Variants in HS3ST2 observed in about 807,000 individuals in gnomAD.
HS3ST2 encodes the protein heparan sulfate glucosamine 3-O-sulfotransferase 2.
Under a neutral mutation model 26.3 loss-of-function variants are expected in HS3ST2, and 17 were observed. The observed-to-expected ratio is 0.65, with a 90% CI of 0.44 to 0.97. HS3ST2 has a LOEUF of 0.97. Among genes scored for constraint, HS3ST2 ranks in the 50% least tolerant of loss-of-function variants. HS3ST2 has a pLI of 0.00. For synonymous variants in HS3ST2, 237 were observed against 219.2 expected (o/e 1.08, Z -0.72); for missense variants, 402 against 501.2 (o/e 0.80, Z 1.89).
chr16:22,835,858 T>C (rs1901246671), intron 1 of HS3ST2, among the ~76,000 whole-genome samples: 1 of 151,970 alleles, frequency 6.6e-6, no homozygotes, highest in Non-Finnish European at 1.5e-5. Flanking sequence ...CTTTATTAAA[T>C]GAAGAAAATG....
At chr16:22,824,216 C>A (rs1397154907) in intron 1 of HS3ST2, among the ~76,000 whole-genome samples, 1 of 152,178 alleles carries the variant, frequency 6.6e-6, no homozygotes, top group African/African-American at 2.4e-5. Flanking sequence ...ATGCAAAATA[C>A]CTTTTCTTCC....
intron 1 of HS3ST2, among the ~76,000 whole-genome samples, chr16:22,877,119 G>T (rs1005157330): frequency 2.0e-5 from 3 of 152,128 alleles, no homozygotes; most frequent in Non-Finnish European, 4.4e-5. Context: ...TTCCCCAAAA[G>T]CTTATTGAAA....
chr16:22,816,313 C>T (rs1350092916), intron 1 of HS3ST2, among the ~76,000 whole-genome samples: 2 of 152,172 alleles, frequency 1.3e-5, no homozygotes, highest in Non-Finnish European at 2.9e-5. Context: ...TTATCTACAG[C>T]TTTAGGCAGT....
chr16:22,823,597 A>G (rs1317805535), intron 1 of HS3ST2, among the ~76,000 whole-genome samples: 1 of 145,308 alleles, frequency 6.9e-6, no homozygotes, highest in Non-Finnish European at 1.5e-5. Context: ...CAGCCTGGGC[A>G]ACATAGGGAG....
rs760020147 is a variant in HS3ST2 at position 22,814,314 on chromosome 16, G to A, written c.-297G>A. Reference sequence around the variant, plus strand: ...CGGGCGCTGGGCGCGCTCCGAACCCGGCGCACGTAAGAGCCTGGGAGCGCC... The same window carrying A: ...CGGGCGCTGGGCGCGCTCCGAACCCAGCGCACGTAAGAGCCTGGGAGCGCC... On this transcript the variant is annotated 5_prime_UTR_variant, in exon 1 of 2. Coordinates refer to ENST00000261374, the MANE Select transcript of HS3ST2 (RefSeq NM_006043.2). 1.2e-3 allele frequency: 383 copies of A among 316,314 alleles called. 1 individual carries two copies. The highest frequency in any genetic ancestry group is 1.6e-3 in the Non-Finnish European group (283 of 174,452). 19.6% of individuals were successfully genotyped at this position (316,314 alleles called of 1,614,324 possible).
At chr16:22,852,017 C>A (rs1269980515) in intron 1 of HS3ST2, among the ~76,000 whole-genome samples, 1 of 152,206 alleles carries the variant, frequency 6.6e-6, no homozygotes, top group East Asian at 1.9e-4. Context: ...CCCAGGTGAG[C>A]CCAGCTGAAG....
At chr16:22,837,517 A>G (rs985312877) in intron 1 of HS3ST2, among the ~76,000 whole-genome samples, 1 of 147,146 alleles carries the variant, frequency 6.8e-6, no homozygotes, top group African/African-American at 2.5e-5. Flanking sequence ...ATGTGTATAT[A>G]TATACACATA....
At chr16:22,827,329 C>T (rs1392939762) in intron 1 of HS3ST2, among the ~76,000 whole-genome samples, 1 of 152,120 alleles carries the variant, frequency 6.6e-6, no homozygotes, top group Non-Finnish European at 1.5e-5. Flanking sequence ...AAGAATTTTG[C>T]CTTCTACTCT....
chr16:22,824,986 A>G (rs1247229223), intron 1 of HS3ST2, among the ~76,000 whole-genome samples: 6 of 152,190 alleles, frequency 3.9e-5, no homozygotes, highest in Non-Finnish European at 7.3e-5. Flanking sequence ...ACAAAGACAG[A>G]TCTTATTGGA....
intron 1 of HS3ST2, among the ~76,000 whole-genome samples, chr16:22,904,239 A>G (rs1902318985): frequency 6.6e-6 from 1 of 152,158 alleles, no homozygotes; most frequent in African/African-American, 2.4e-5. Context: ...CAGTTGGTCC[A>G]CAAAACTGTT....
chr16:22,854,432 C>T (rs1397815809), intron 1 of HS3ST2, among the ~76,000 whole-genome samples: 3 of 151,970 alleles, frequency 2.0e-5, no homozygotes, highest in South Asian at 4.2e-4. Context: ...GAACTTTTCC[C>T]TCATATTGAA....
chr16:22,892,044 G>A (rs994474370), intron 1 of HS3ST2, among the ~76,000 whole-genome samples: 2 of 151,652 alleles, frequency 1.3e-5, no homozygotes, highest in Non-Finnish European at 2.9e-5. Flanking sequence ...GGAGGCCGAG[G>A]CAGGTGGATC....
intron 1 of HS3ST2, among the ~76,000 whole-genome samples, chr16:22,913,032 T>G (rs1487179560): frequency 1.3e-5 from 2 of 151,696 alleles, no homozygotes; most frequent in Non-Finnish European, 2.9e-5. Flanking sequence ...TTTATAGAAG[T>G]ATATCCCTTC....
intron 1 of HS3ST2, among the ~76,000 whole-genome samples, chr16:22,888,492 T>C (rs993054414): frequency 8.7e-5 from 13 of 149,818 alleles, no homozygotes; most frequent in Non-Finnish European, 1.9e-4. Flanking sequence ...GTTCAAGCAA[T>C]TCTCCTGCCT....
intron 1 of HS3ST2, among the ~76,000 whole-genome samples, chr16:22,881,007 T>C (rs1257433086): frequency 1.3e-5 from 2 of 152,250 alleles, no homozygotes; most frequent in African/African-American, 2.4e-5. Context: ...AAAGTATGTG[T>C]GGCAATACAT....
At chr16:22,820,169 A>ACC (rs199760276) in intron 1 of HS3ST2, among the ~76,000 whole-genome samples, 9 of 149,498 alleles carry the variant, frequency 6.0e-5, no homozygotes, top group African/African-American at 9.9e-5. Context: ...GAGTCCATAA[A>ACC]CCCCCCCCCA....
intron 1 of HS3ST2, among the ~76,000 whole-genome samples, chr16:22,841,950 T>C (rs1901363849): frequency 6.6e-6 from 1 of 152,192 alleles, no homozygotes; most frequent in Non-Finnish European, 1.5e-5. Flanking sequence ...AACTTTCCTA[T>C]TGCTGTTGAG....
At chr16:22,904,731 T>C (rs982007250) in intron 1 of HS3ST2, among the ~76,000 whole-genome samples, 1 of 152,204 alleles carries the variant, frequency 6.6e-6, no homozygotes. Flanking sequence ...GGAGGGGCCA[T>C]GGGCAGGATC....
At chr16:22,844,160 T>G (rs1285357474) in intron 1 of HS3ST2, among the ~76,000 whole-genome samples, 3 of 152,202 alleles carry the variant, frequency 2.0e-5, no homozygotes, top group African/African-American at 4.8e-5. Flanking sequence ...TTTTTTATTT[T>G]TTTGCCATGT....
Sources: gnomAD v4.1 joint callset for allele counts (sites outside exome capture counted in the v4.1 genomes callset) on GRCh38, gnomAD v4.1.1 for gene constraint, MANE v1.5 for transcripts, NCBI Gene and HGNC (gene_info 2026-07-23, HGNC 2026-07-21) for gene names.